LRP4: variants seen among roughly 807,000 people sequenced by gnomAD.
LRP4 encodes the protein LDL receptor related protein 4, also known as low-density lipoprotein receptor-related protein 4.
LRP4 carries 95 observed loss-of-function variants against 220.3 expected under a neutral mutation model. The ratio of observed to expected loss-of-function variants is 0.43; its 90% CI spans 0.37 to 0.51. The LOEUF (loss-of-function observed/expected upper bound fraction) is 0.51. Ranked by LOEUF, LRP4 falls within the 20% of genes least tolerant of loss-of-function variation. LRP4 has a pLI of 0.00. For missense variants in LRP4, 1,925 were observed against 2,567.0 expected, an observed-to-expected ratio of 0.75 and a Z score of 5.40; for synonymous variants, 903 against 954.6, an observed-to-expected ratio of 0.95 and a Z score of 1.00.
intron 36 of LRP4, 66 bp downstream of exon 36, chr11:46,864,381 CG>C: frequency 8.3e-7 from 1 of 1,207,510 alleles, no homozygotes; most frequent in Non-Finnish European, 1.2e-6. Flanking sequence ...TGCAGAGCTT[CG>C]GGAGATCCCA....
chr11:46,885,496 A>G (rs532119543), intron 18 of LRP4, among the ~76,000 whole-genome samples: 4 of 152,164 alleles, frequency 2.6e-5, no homozygotes, highest in East Asian at 1.9e-4. Flanking sequence ...TGATTTGGCT[A>G]GGCGCGGTGG....
At position 46,898,593 on chromosome 11, in the gene LRP4, G is replaced by C; in HGVS notation, c.761C>G (p.Ala254Gly). 6.2e-7 allele frequency: 1 copy of C among 1,614,134 alleles called. No individual in the cohort carries two copies. Among genetic ancestry groups the C allele is most frequent in the East Asian group, 2.2e-5 (1 of 44,878 alleles). The change falls in exon 7 of 38, where the codon GCG becomes GGG. Residue 254 changes from alanine to glycine, a missense_variant. Transcript: ENST00000378623. ...CTCATCAGACTGGTCATCACAGTCC[G>C]CGTCACCATCGCAGCGCCAGCCTGC... ...INAGWRCDGD[A>G]DCDDQSDERN...
chr11:46,875,254 G>A lies in LRP4; in HGVS notation c.3926-151C>T. On this transcript the variant is annotated intron_variant, in intron 27 of 37. Transcript: ENST00000378623. The surrounding 1 kb of genome is among the most constrained non-coding windows in gnomAD (Gnocchi z 4.5). ...GAGGTAGAAGGAGGGTCTGCAGGAG[G>A]ATCTCCAGGAGTCCTTTGAAGGTGA... The A allele has an allele frequency of 1.1e-6, 1 of 936,472 alleles. No homozygotes were observed. The highest frequency in any genetic ancestry group is 1.7e-6 in the Non-Finnish European group (1 of 602,824). 58.0% of individuals were successfully genotyped at this position (936,472 alleles called of 1,614,324 possible). A position where few individuals can be genotyped will look rare whatever the true frequency, so the allele number is the denominator to read the frequency against.
intron 24 of LRP4, 23 bp downstream of exon 24, chr11:46,876,721 C>T (rs757192897): frequency 1.2e-6 from 2 of 1,613,936 alleles, no homozygotes; most frequent in South Asian, 2.2e-5. Context: ...ACAGGTGGTC[C>T]CTGGGCTAGG....
chr11:46,902,743 C>A, intron 2 of LRP4, 40 bp downstream of exon 2: 2 of 1,612,928 alleles, frequency 1.2e-6, no homozygotes, highest in Non-Finnish European at 1.7e-6. Context: ...CCCCCAGGTC[C>A]CTCTCCACCA....
chr11:46,901,503 A>T (rs1331160706), intron 2 of LRP4, among the ~76,000 whole-genome samples: 2 of 152,362 alleles, frequency 1.3e-5, no homozygotes, highest in East Asian at 3.9e-4. Flanking sequence ...AGCATTTATC[A>T]TCAACACAAT....
At chr11:46,886,698 G>T (rs1026731547) in intron 16 of LRP4, among the ~76,000 whole-genome samples, 165 bp from the exon 17 acceptor site, 1 of 152,172 alleles carries the variant, frequency 6.6e-6, no homozygotes, top group Admixed American at 6.5e-5. Flanking sequence ...GCACTGCCAT[G>T]CTAGCAGAAT....
At chr11:46,866,645 G>A (rs1442242300) in intron 34 of LRP4, among the ~76,000 whole-genome samples, 1 of 152,104 alleles carries the variant, frequency 6.6e-6, no homozygotes, top group Non-Finnish European at 1.5e-5. Flanking sequence ...TTTGCCAGGT[G>A]CAGTGTCTCA....
chr11:46,857,462 T>C lies in LRP4; in HGVS notation c.*1521A>G, dbSNP rs1940409390. ...GTTGTTCTCTCCTGCCACTTCTAAT[T>C]CCTGGGGGAGAAGAGGTCTGGGTCT... On this transcript the variant is annotated 3_prime_UTR_variant, in exon 38 of 38. Coordinates refer to ENST00000378623, the MANE Select transcript of LRP4 (RefSeq NM_002334.4). 1 of 152,120 alleles carries C rather than the reference T, an allele frequency of 6.6e-6. No individual in the cohort carries two copies. 9.4% of individuals were successfully genotyped at this position (152,120 alleles called of 1,614,324 possible). A position where few individuals can be genotyped will look rare whatever the true frequency, so the allele number is the denominator to read the frequency against.
chr11:46,875,148 A>G lies in LRP4; in HGVS notation c.3926-45T>C, dbSNP rs1370153228. 2 of 1,583,416 alleles carry G rather than the reference A, an allele frequency of 1.3e-6. No individual in the cohort carries two copies. Among genetic ancestry groups the G allele is most frequent in the Non-Finnish European group, 1.7e-6 (2 of 1,162,006 alleles). ...GTATTCACACCTAGCCTGGAACATC[A>G]TCTGAATCTTACAAAGGTCCCAGTT... On this transcript the variant is annotated intron_variant, in intron 27 of 37. Coordinates refer to ENST00000378623, the MANE Select transcript of LRP4 (RefSeq NM_002334.4). This position sits in a 1 kb window ranked among gnomAD's most constrained non-coding sequence, Gnocchi z 4.5.
intron 16 of LRP4, among the ~76,000 whole-genome samples, chr11:46,887,341 G>C (rs1473820195): frequency 6.6e-6 from 1 of 152,174 alleles, no homozygotes; most frequent in Admixed American, 6.5e-5. Flanking sequence ...GCTGTCAGGG[G>C]ACAGGGGGCT....
intron 16 of LRP4, among the ~76,000 whole-genome samples, chr11:46,888,296 G>A (rs2134833218): frequency 6.6e-6 from 1 of 150,548 alleles, no homozygotes; most frequent in South Asian, 2.1e-4. Flanking sequence ...GCTCATGCCT[G>A]TAATGCCAGC....
chr11:46,897,006 A>G lies in LRP4; in HGVS notation c.797-12T>C. On this transcript the variant is annotated splice_polypyrimidine_tract_variant and intron_variant, in intron 7 of 37. Coordinates refer to ENST00000378623, the MANE Select transcript of LRP4 (RefSeq NM_002334.4). Reference sequence around the variant, plus strand: ...ACACATGGAGGTGGCTGGGCAAAGCAAAGGCTTAATGAAAGGTGGGCCCCA... The same window carrying G: ...ACACATGGAGGTGGCTGGGCAAAGCGAAGGCTTAATGAAAGGTGGGCCCCA... 2 of 1,614,116 alleles carry G rather than the reference A, an allele frequency of 1.2e-6. No homozygotes were observed. Among genetic ancestry groups the G allele is most frequent in the Non-Finnish European group, 8.5e-7 (1 of 1,179,976 alleles).
rs754099043 is a variant in LRP4 at position 46,898,943 on chromosome 11, C to T, written c.637G>A (p.Asp213Asn). 10 of 1,613,888 alleles carry T rather than the reference C, an allele frequency of 6.2e-6. No homozygotes were observed. Among genetic ancestry groups the T allele is most frequent in the South Asian group, 3.3e-5 (3 of 91,072 alleles). ...TCTGACCAGTCTCCACAGTCATCGTCGCCATCGCAGTGGTAGATGTCGAGG... is the reference window on the plus strand; with the variant it reads ...TCTGACCAGTCTCCACAGTCATCGTTGCCATCGCAGTGGTAGATGTCGAGG... ...CILDIYHCDG[D>N]DDCGDWSDES... The change falls in exon 6 of 38, where the codon GAC becomes AAC. Residue 213 changes from aspartate to asparagine, a missense_variant. Asp to Asn is a conservative substitution (Grantham distance 23). This residue lies in a region of LRP4 where 412 missense variants were observed against 505.4 expected (regional missense o/e 0.82). Coordinates refer to ENST00000378623, the MANE Select transcript of LRP4 (RefSeq NM_002334.4).
At chr11:46,889,851 T>C (rs1392622295) in intron 15 of LRP4, 93 bp downstream of exon 15, 5 of 1,409,408 alleles carry the variant, frequency 3.5e-6, no homozygotes, top group East Asian at 4.6e-5. Flanking sequence ...TCAGAAGAAA[T>C]GGCAACTCTA....
chr11:46,879,711 G>A (rs977040756), intron 20 of LRP4, among the ~76,000 whole-genome samples: 10 of 152,226 alleles, frequency 6.6e-5, no homozygotes, highest in Non-Finnish European at 1.5e-4. Context: ...GACACACTGA[G>A]AACTCAAGGA....
chr11:46,869,144 G>C lies in LRP4; in HGVS notation c.4693-12C>G, dbSNP rs754262910. 2 of 1,613,462 alleles carry C rather than the reference G, an allele frequency of 1.2e-6. No individual in the cohort carries two copies. The highest frequency in any genetic ancestry group is 3.3e-5 in the Admixed American group (2 of 59,864). Reference sequence around the variant, plus strand: ...ATCCACCTGTCTTGCTACTCAACAGGGGAAGCCCAAAAACAGTAAATATTA... The same window carrying C: ...ATCCACCTGTCTTGCTACTCAACAGCGGAAGCCCAAAAACAGTAAATATTA... On this transcript the variant is annotated splice_polypyrimidine_tract_variant and intron_variant, in intron 31 of 37. Transcript: ENST00000378623.
At chr11:46,895,025 G>C (rs760263652) in intron 11 of LRP4, 141 bp downstream of exon 11, 37 of 1,058,150 alleles carry the variant, frequency 3.5e-5, no homozygotes, top group Non-Finnish European at 5.1e-5. Context: ...CATTTTTCTT[G>C]GGGCTCAGAA....
intron 37 of LRP4, among the ~76,000 whole-genome samples, chr11:46,861,332 CAT>C (rs1940541000): frequency 6.6e-6 from 1 of 152,018 alleles, no homozygotes; most frequent in Admixed American, 6.6e-5. Context: ...GTTTATTACA[CAT>C]GAGAGCCCTG....
Sources: allele counts gnomAD v4.1 joint callset (sites outside exome capture counted in the v4.1 genomes callset), GRCh38; gene constraint gnomAD v4.1.1; regional missense constraint gnomAD v4.1.1; non-coding constraint Gnocchi (gnomAD v3.1); transcripts MANE v1.5; gene names NCBI Gene and HGNC (gene_info 2026-07-23, HGNC 2026-07-21).